The following WDR49 variants were observed in gnomAD, a reference collection of about 807,000 sequenced individuals.
WDR49 encodes the protein WD repeat domain 49.
Under a neutral mutation model 119.5 loss-of-function variants are expected in WDR49, and 107 were observed. The ratio of observed to expected loss-of-function variants is 0.90; its 90% CI spans 0.77 to 1.05. The LOEUF is 1.05. WDR49 is among the 50% of genes least tolerant of loss of function. The probability of loss-of-function intolerance (pLI) is 0.00; values close to 1 mark genes in which losing one functional copy is unlikely to be tolerated. For missense variants in WDR49, 1,240 were observed against 1,220.5 expected, an observed-to-expected ratio of 1.02 and a Z score of -0.24; for synonymous variants, 425 against 418.8, an observed-to-expected ratio of 1.01 and a Z score of -0.18.
intron 16 of WDR49, among the ~76,000 whole-genome samples, chr3:167,518,748 A>G (rs956836111): frequency 1.3e-5 from 2 of 150,404 alleles, no homozygotes; most frequent in Non-Finnish European, 3.0e-5. Flanking sequence ...ATTAGATCCC[A>G]TTTGTCAACT....
At chr3:167,591,444 G>T (rs1442958485) in intron 7 of WDR49, among the ~76,000 whole-genome samples, 1 of 151,996 alleles carries the variant, frequency 6.6e-6, no homozygotes, top group African/African-American at 2.4e-5. Flanking sequence ...TGCAAAGTCT[G>T]ATGTTTCTTT....
chr3:167,559,382 G>C (rs1030526007), intron 9 of WDR49, among the ~76,000 whole-genome samples: 1 of 152,160 alleles, frequency 6.6e-6, no homozygotes, highest in South Asian at 2.1e-4. Context: ...GGGGCTGAGG[G>C]GGGCAGAGAA....
intron 18 of WDR49, among the ~76,000 whole-genome samples, chr3:167,483,670 T>C (rs1750810632): frequency 2.6e-5 from 4 of 152,180 alleles, no homozygotes; most frequent in Admixed American, 2.6e-4. Context: ...AACAAATTAC[T>C]AGTAATTTTT....
At position 167,570,802 on chromosome 3, in the gene WDR49, C is replaced by T. The variant is rs972932624; in HGVS notation, c.1509+5116G>A. ...CCTGCAATCCCAGCACTTTGGGAAG[C>T]CAAGGCAGGTGGATCACGAGGTCAG... On this transcript the variant is annotated intron_variant, in intron 8 of 18. Transcript: ENST00000682715. Among the ~76,000 whole-genome samples the T allele has an allele frequency of 4.6e-5, 7 of 152,108 alleles. No homozygotes were observed. The South Asian group carries it at 8.3e-4, about 18-fold the overall frequency.
chr3:167,534,565 A>G (rs543629552), intron 11 of WDR49, among the ~76,000 whole-genome samples: 82 of 152,266 alleles, frequency 5.4e-4, no homozygotes, highest in African/African-American at 1.8e-3. Flanking sequence ...AACTTTAAAT[A>G]TAGATAGATC....
Position 167,536,992 on chromosome 3 carries a change from G to C in WDR49, c.1832C>G (p.Thr611Ser), listed in dbSNP as rs1350636911. 1.9e-6 allele frequency: 3 copies of C among 1,577,722 alleles called. No homozygotes were observed. The highest frequency in any genetic ancestry group is 2.6e-6 in the Non-Finnish European group (3 of 1,163,870). ...ATTGAAGTTTTGGGGTCGAAACACA[G>C]TAATAGCCCTAGCAAAAAGGATATA... ...ASWKTIGRAI[T>S]VFRPQNFNQF... is the part of the protein sequence containing the mutation. The change falls in exon 11 of 19, where the codon ACT becomes AGT. Residue 611 changes from threonine (T) to serine (S), a missense_variant. Coordinates refer to ENST00000682715, the MANE Select transcript of WDR49 (RefSeq NM_001366157.1).
At chr3:167,575,276 C>T (rs1714174831) in intron 8 of WDR49, 4 of 985,882 alleles carry the variant, frequency 4.1e-6, no homozygotes, top group South Asian at 9.4e-5. Flanking sequence ...GCCGCCCTGT[C>T]CTCCAAGAAG....
At position 167,626,982 on chromosome 3, in the gene WDR49, C is replaced by A; in HGVS notation, c.476G>T (p.Ser159Ile). ...LKNSSHYLTI[S>I]KEGLLAIWGE... ...CCAGATTGCCAATAAACCTTCTTTA[C>A]TAATTGTCAGATAATGACTTGAATT... Residue 159 changes from serine (S) to isoleucine (I), a missense_variant, in exon 3 of 19, where the codon AGT becomes ATT. Physicochemically the swap from Ser to Ile is moderately radical, Grantham distance 142. Coordinates refer to ENST00000682715, the MANE Select transcript of WDR49 (RefSeq NM_001366157.1). 1 of 1,351,968 alleles carries A rather than the reference C, an allele frequency of 7.4e-7. No homozygotes were observed. The highest frequency in any genetic ancestry group is 9.5e-7 in the Non-Finnish European group (1 of 1,053,988). 83.7% of individuals were successfully genotyped at this position (1,351,968 alleles called of 1,614,324 possible).
At chr3:167,564,879 T>C (rs1713501347) in intron 8 of WDR49, among the ~76,000 whole-genome samples, 1 of 152,176 alleles carries the variant, frequency 6.6e-6, no homozygotes, top group Admixed American at 6.5e-5. Flanking sequence ...AGTTGTCTTT[T>C]ATGTGCATTT....
intron 2 of WDR49, among the ~76,000 whole-genome samples, chr3:167,641,250 AT>A (rs1350409587): frequency 6.6e-6 from 1 of 151,784 alleles, no homozygotes; most frequent in Non-Finnish European, 1.5e-5. Context: ...TCTCTGCAGA[AT>A]TTGCCTCTGT....
chr3:167,581,782 C>T (rs1412602623), intron 7 of WDR49, among the ~76,000 whole-genome samples: 1 of 152,084 alleles, frequency 6.6e-6, no homozygotes. Context: ...ATTTTCAGTG[C>T]ACTTTTAAAT....
chr3:167,558,828 C>G (rs566775548), intron 9 of WDR49, among the ~76,000 whole-genome samples: 1 of 152,282 alleles, frequency 6.6e-6, no homozygotes, highest in Non-Finnish European at 1.5e-5. Flanking sequence ...CCGTTCACTC[C>G]AATGTTCAGT....
At chr3:167,595,716 A>G (rs1435057449) in intron 7 of WDR49, among the ~76,000 whole-genome samples, 1 of 152,134 alleles carries the variant, frequency 6.6e-6, no homozygotes, top group Non-Finnish European at 1.5e-5. Context: ...ACAAAAATCA[A>G]TTCAAGATGG....
intron 17 of WDR49, among the ~76,000 whole-genome samples, chr3:167,502,130 G>A (rs537120064): frequency 2.0e-5 from 3 of 152,166 alleles, no homozygotes; most frequent in Admixed American, 6.5e-5. Flanking sequence ...TGGTTTAAAC[G>A]TGTGTGGCAC....
chr3:167,620,368 A>G (rs1203787409), intron 5 of WDR49, 61 bp downstream of exon 5: 2 of 1,411,602 alleles, frequency 1.4e-6, no homozygotes, highest in African/African-American at 2.9e-5. Flanking sequence ...TTTTCATCAA[A>G]GAATATAAAT....
At chr3:167,656,469 G>A (rs901441469), upstream of WDR49, among the ~76,000 whole-genome samples, 1 of 152,142 alleles carries the variant, frequency 6.6e-6, no homozygotes, top group Non-Finnish European at 1.5e-5. Flanking sequence ...GATGAACCAC[G>A]AGAGGTAGGT....
chr3:167,572,491 G>A (rs1713990181), intron 8 of WDR49, among the ~76,000 whole-genome samples: 1 of 152,216 alleles, frequency 6.6e-6, no homozygotes, highest in African/African-American at 2.4e-5. Flanking sequence ...AAATGTTCAA[G>A]AAAGACACCA....
At chr3:167,481,177 T>C (rs905254816) in intron 18 of WDR49, among the ~76,000 whole-genome samples, 2 of 151,668 alleles carry the variant, frequency 1.3e-5, no homozygotes, top group Admixed American at 6.6e-5. Context: ...ACCAATCAAA[T>C]TGAAGAAAGA....
chr3:167,623,938 C>T lies in WDR49; in HGVS notation c.607-2295G>A, dbSNP rs374928601. Among the ~76,000 whole-genome samples the T allele has an allele frequency of 7.2e-5, 11 of 151,786 alleles. No individual in the cohort carries two copies. In the East Asian group the frequency reaches 7.8e-4, roughly 11 times the overall value. ...AGTCTGAAAATGAAATTACCAAAGGCGGTGTTAAGAGAATGTAAAAACTGA... is the reference window on the plus strand; with the variant it reads ...AGTCTGAAAATGAAATTACCAAAGGTGGTGTTAAGAGAATGTAAAAACTGA... On this transcript the variant is annotated intron_variant, in intron 3 of 18. Coordinates refer to ENST00000682715, the MANE Select transcript of WDR49 (RefSeq NM_001366157.1).
Sources: gnomAD v4.1 joint callset for allele counts (sites outside exome capture counted in the v4.1 genomes callset) on GRCh38, gnomAD v4.1.1 for gene constraint, MANE v1.5 for transcripts, NCBI Gene and HGNC (gene_info 2026-07-23, HGNC 2026-07-21) for gene names.